PCDH15: variants seen among roughly 807,000 people sequenced by gnomAD.
PCDH15 encodes protocadherin related 15, also known as protocadherin-15.
Under a neutral mutation model 178.5 loss-of-function variants are expected in PCDH15, and 129 were observed. That is an observed-to-expected ratio of 0.72 (90% CI 0.63 to 0.84). PCDH15 has a LOEUF of 0.84. PCDH15 is among the 40% of genes least tolerant of loss of function. The probability of loss-of-function intolerance (pLI) is 0.00; values close to 1 mark genes in which losing one functional copy is unlikely to be tolerated. For missense variants in PCDH15, 2,230 were observed against 2,099.9 expected, an observed-to-expected ratio of 1.06 and a Z score of -1.21; for synonymous variants, 800 against 732.0, an observed-to-expected ratio of 1.09 and a Z score of -1.50.
At chr10:54,161,188 A>C (rs1261160422) in intron 13 of PCDH15, among the ~76,000 whole-genome samples, 1 of 152,216 alleles carries the variant, frequency 6.6e-6, no homozygotes, top group African/African-American at 2.4e-5. Context: ...TTTTCACAAG[A>C]TGGATTCTAT....
chr10:54,082,513 C>T (rs73237632), intron 16 of PCDH15, among the ~76,000 whole-genome samples: 31,726 of 152,038 alleles, frequency 0.21, 5,719 homozygotes, highest in African/African-American at 0.49. Flanking sequence ...TGTCAACAAA[C>T]GGCACTGGAA....
rs45483395 is a variant in PCDH15 at position 53,961,876 on chromosome 10, C to T, written c.2885G>A (p.Arg962His). Residue 962 changes from arginine (R) to histidine (H), a missense_variant, in exon 22 of 38, where the codon CGT (arginine) becomes CAT (histidine). Arg to His is a conservative substitution (Grantham distance 29). Coordinates refer to ENST00000644397, the MANE Select transcript of PCDH15 (RefSeq NM_001384140.1). The part of the protein sequence containing the change: ...DADPPGLPAS[R>H]VRYRVDDVQF... ...TACATCATCTACTCTATACCTCACA[C>T]GACTTGCAGGTAATCCCTAAAATAA... 1.4e-3 allele frequency: 2,293 copies of T among 1,608,818 alleles called. 4 individuals are homozygous for T. The highest frequency in any genetic ancestry group is 7.3e-3 in the African/African-American group (547 of 74,870).
chr10:54,904,809 T>C (rs931590627), intron 2 of PCDH15, among the ~76,000 whole-genome samples: 1 of 151,656 alleles, frequency 6.6e-6, no homozygotes, highest in Non-Finnish European at 1.5e-5. Flanking sequence ...CATGTGCCAT[T>C]TGAGGTACCA....
intron 15 of PCDH15, among the ~76,000 whole-genome samples, chr10:54,106,724 G>A (rs1218500021): frequency 6.6e-6 from 1 of 152,164 alleles, no homozygotes; most frequent in Non-Finnish European, 1.5e-5. Flanking sequence ...AAAAAAGAGA[G>A]TTGACAGTAC....
chr10:54,903,950 G>C (rs1343202813), intron 2 of PCDH15, among the ~76,000 whole-genome samples: 1 of 152,030 alleles, frequency 6.6e-6, no homozygotes, highest in Admixed American at 6.6e-5. Context: ...TTTATTCTGA[G>C]TGCACTCTAG....
At chr10:54,019,339 T>C (rs1373119790) in intron 20 of PCDH15, among the ~76,000 whole-genome samples, 1 of 152,134 alleles carries the variant, frequency 6.6e-6, no homozygotes, top group African/African-American at 2.4e-5. Context: ...TTTGTATATG[T>C]ATCTTTGTAA....
At chr10:54,803,668 A>G (rs1343892405), upstream of PCDH15, among the ~76,000 whole-genome samples, 1 of 152,198 alleles carries the variant, frequency 6.6e-6, no homozygotes, top group Non-Finnish European at 1.5e-5. Context: ...TGAGAGAGGA[A>G]ATGTAAACTG....
At chr10:54,281,124 C>T (rs527613095) in intron 8 of PCDH15, among the ~76,000 whole-genome samples, 15 of 151,816 alleles carry the variant, frequency 9.9e-5, no homozygotes, top group South Asian at 6.2e-4. Context: ...ATTAATTATA[C>T]GAAGGAGTAC....
At chr10:55,206,407 C>A (rs1487009064) in intron 1 of PCDH15, among the ~76,000 whole-genome samples, 1 of 152,096 alleles carries the variant, frequency 6.6e-6, no homozygotes, top group Non-Finnish European at 1.5e-5. Flanking sequence ...GTGCACTCCA[C>A]AGACACTGAT....
chr10:55,590,844 C>T (rs1422886176), intron 2 of PCDH15, among the ~76,000 whole-genome samples: 1 of 152,002 alleles, frequency 6.6e-6, no homozygotes, highest in Admixed American at 6.6e-5. Context: ...TCCTGCACTC[C>T]TAGTAAGAGG....
In PCDH15 at chr10:54,360,663, T is replaced by C. The variant is rs184573121; in HGVS notation, c.474+8457A>G. ...CTTTTTATAACCATATAATCACATC[T>C]GCTTTTTCAGCCATTGAATTTTGAT... On this transcript the variant is annotated intron_variant, in intron 5 of 37. Coordinates refer to ENST00000644397, the MANE Select transcript of PCDH15 (RefSeq NM_001384140.1). 1.6e-3 allele frequency among the ~76,000 whole-genome samples: 244 copies of C among 152,244 alleles called. 3 individuals carry two copies. The highest frequency in any genetic ancestry group is 2.0e-3 in the Admixed American group (31 of 15,260).
intron 2 of PCDH15, among the ~76,000 whole-genome samples, chr10:55,453,118 C>T (rs1235368240): frequency 1.3e-5 from 2 of 152,092 alleles, no homozygotes; most frequent in Non-Finnish European, 2.9e-5. Flanking sequence ...ATCTCAGAGT[C>T]ATTTGAGGGT....
At chr10:55,181,608 C>A (rs1204132744) in intron 1 of PCDH15, among the ~76,000 whole-genome samples, 1 of 151,872 alleles carries the variant, frequency 6.6e-6, no homozygotes, top group African/African-American at 2.4e-5. Context: ...AGAGTGTCAA[C>A]ATTTTTAAAG....
chr10:54,777,163 A>G (rs1015869556), intron 1 of PCDH15, among the ~76,000 whole-genome samples: 1 of 152,166 alleles, frequency 6.6e-6, no homozygotes, highest in Non-Finnish European at 1.5e-5. Flanking sequence ...ATTTTCATGC[A>G]ATCATTTCAG....
intron 3 of PCDH15, among the ~76,000 whole-genome samples, chr10:54,494,774 A>G (rs1434471115): frequency 1.3e-5 from 2 of 152,066 alleles, no homozygotes; most frequent in African/African-American, 4.8e-5. Context: ...TCTCTTTGCT[A>G]AATCCAGATT....
intron 2 of PCDH15, among the ~76,000 whole-genome samples, chr10:55,165,396 G>T (rs1250881043): frequency 6.6e-6 from 1 of 151,692 alleles, no homozygotes; most frequent in East Asian, 1.9e-4. Flanking sequence ...CGCAGAGAAG[G>T]ACCTATAGCA....
At chr10:54,543,690 GA>G (rs956459389) in intron 2 of PCDH15, among the ~76,000 whole-genome samples, 5 of 151,816 alleles carry the variant, frequency 3.3e-5, no homozygotes, top group African/African-American at 4.8e-5. Flanking sequence ...CTAGCCAGGG[GA>G]AAAAAAATCA....
intron 8 of PCDH15, among the ~76,000 whole-genome samples, chr10:54,283,822 A>T (rs1417932622): frequency 6.6e-6 from 1 of 152,068 alleles, no homozygotes. Context: ...TGCCAAAATT[A>T]ACATGAGAAG....
At chr10:54,071,579 G>A (rs16937881) in intron 17 of PCDH15, among the ~76,000 whole-genome samples, 1 of 152,022 alleles carries the variant, frequency 6.6e-6, no homozygotes, top group Non-Finnish European at 1.5e-5. Context: ...TCATAGCACA[G>A]CCATTTGTTT....
Sources: allele counts gnomAD v4.1 joint callset (sites outside exome capture counted in the v4.1 genomes callset), GRCh38; gene constraint gnomAD v4.1.1; transcripts MANE v1.5; gene names NCBI Gene and HGNC (gene_info 2026-07-23, HGNC 2026-07-21).